Variants in ZDHHC2 observed in about 807,000 individuals in gnomAD.
ZDHHC2 encodes zDHHC palmitoyltransferase 2.
A neutral mutation model predicts 55.6 loss-of-function variants in ZDHHC2; 51 were observed. The ratio of observed to expected loss-of-function variants is 0.92; its 90% CI spans 0.73 to 1.16. The LOEUF is 1.16. ZDHHC2 is among the 50% of genes most tolerant of loss of function. The probability of loss-of-function intolerance (pLI) is 0.00; values close to 1 mark genes in which losing one functional copy is unlikely to be tolerated. For synonymous variants in ZDHHC2, 199 were observed against 152.9 expected (o/e 1.30, Z -2.22); for missense variants, 491 against 442.4 (o/e 1.11, Z -0.99).
intron 7 of ZDHHC2, among the ~76,000 whole-genome samples, chr8:17,206,867 C>A (rs937704804): frequency 6.6e-6 from 1 of 152,072 alleles, no homozygotes; most frequent in Admixed American, 6.6e-5. Flanking sequence ...GAGATTTGAA[C>A]CAAATTTAAT....
At chr8:17,156,876 C>T in intron 1 of ZDHHC2, 23 bp downstream of exon 1, 1 of 1,481,656 alleles carries the variant, frequency 6.7e-7, no homozygotes. Flanking sequence ...CCCGCCGCGG[C>T]GCCCCCAGCG....
At chr8:17,186,263 G>C in intron 2 of ZDHHC2, 68 bp from the exon 3 acceptor site, 1 of 1,036,910 alleles carries the variant, frequency 9.6e-7, no homozygotes, top group Non-Finnish European at 1.4e-6. Context: ...AAGCAGATCG[G>C]TTGTGACTGT....
chr8:17,204,038 C>T (rs1806965321), intron 6 of ZDHHC2, among the ~76,000 whole-genome samples: 1 of 151,652 alleles, frequency 6.6e-6, no homozygotes, highest in Non-Finnish European at 1.5e-5. Context: ...GATCTCTTGA[C>T]CTTGTGGTCT....
At chr8:17,185,460 C>T (rs1293481582) in intron 2 of ZDHHC2, among the ~76,000 whole-genome samples, 2 of 151,816 alleles carry the variant, frequency 1.3e-5, no homozygotes, top group African/African-American at 4.8e-5. Flanking sequence ...AGTTCAAGAC[C>T]AGCCTGGCCA....
intron 12 of ZDHHC2, among the ~76,000 whole-genome samples, chr8:17,217,775 TTTTC>T (rs1248749872): frequency 6.6e-6 from 1 of 152,128 alleles, no homozygotes; most frequent in African/African-American, 2.4e-5. Context: ...TTCCAAATCA[TTTTC>T]TTTAAGCCTT....
At chr8:17,166,022 G>A (rs1003050643) in intron 1 of ZDHHC2, among the ~76,000 whole-genome samples, 5 of 152,182 alleles carry the variant, frequency 3.3e-5, no homozygotes, top group African/African-American at 1.2e-4. Flanking sequence ...CAGAGATGTG[G>A]GGAGAAAGCA....
chr8:17,182,603 C>T (rs1805488493), intron 1 of ZDHHC2, among the ~76,000 whole-genome samples: 1 of 151,978 alleles, frequency 6.6e-6, no homozygotes, highest in Non-Finnish European at 1.5e-5. Context: ...AATAGAACAT[C>T]TGTGGATTTT....
chr8:17,171,303 T>C (rs767265821), intron 1 of ZDHHC2, among the ~76,000 whole-genome samples: 2 of 152,232 alleles, frequency 1.3e-5, no homozygotes, highest in African/African-American at 4.8e-5. Flanking sequence ...GAGCCTCTTC[T>C]ATTTTAATTT....
rs201130388 is a variant in ZDHHC2, at chr8:17,215,313, A to G, written c.1027A>G (p.Thr343Ala). 13 of 1,594,626 alleles carry G rather than the reference A, an allele frequency of 8.2e-6. No individual in the cohort carries two copies. The highest frequency in any genetic ancestry group is 1.3e-5 in the African/African-American group (1 of 74,612). ...SHLLTDSQSW[T>A]ESSINPGKCK... ...CCTTCTTACTGATTCTCAGTCTTGG[A>G]CGGAGAGCAGCATAAACCCAGGAAA... The change falls in exon 11 of 13, where the codon ACG (threonine) becomes GCG (alanine). Residue 343 changes from threonine to alanine, a missense_variant. Physicochemically the swap from Thr to Ala is moderately conservative, Grantham distance 58. Transcript: ENST00000262096.
chr8:17,177,191 T>C (rs1457488756), intron 1 of ZDHHC2, among the ~76,000 whole-genome samples: 1 of 152,186 alleles, frequency 6.6e-6, no homozygotes, highest in Non-Finnish European at 1.5e-5. Flanking sequence ...GTAATTTGAG[T>C]ACAGAAAATT....
chr8:17,185,651 C>A (rs1805671850), intron 2 of ZDHHC2, among the ~76,000 whole-genome samples: 1 of 151,964 alleles, frequency 6.6e-6, no homozygotes, highest in Admixed American at 6.6e-5. Flanking sequence ...CAGAGTGAGA[C>A]CCTGTCTCAA....
At chr8:17,161,421 T>C (rs1233358304) in intron 1 of ZDHHC2, among the ~76,000 whole-genome samples, 2 of 152,232 alleles carry the variant, frequency 1.3e-5, no homozygotes, top group Admixed American at 6.5e-5. Context: ...TTCTATTAAG[T>C]TGATGCAAAA....
chr8:17,207,595 G>A (rs1376593073), intron 7 of ZDHHC2, among the ~76,000 whole-genome samples: 1 of 151,976 alleles, frequency 6.6e-6, no homozygotes, highest in Non-Finnish European at 1.5e-5. Context: ...TTGTGATTCT[G>A]TAGTATGTTA....
At chr8:17,165,277 G>T (rs981107070) in intron 1 of ZDHHC2, among the ~76,000 whole-genome samples, 4 of 152,170 alleles carry the variant, frequency 2.6e-5, no homozygotes, top group Non-Finnish European at 5.9e-5. Context: ...CCTGTTTTAG[G>T]AATAAAGGCA....
chr8:17,177,913 A>G (rs1431619561), intron 1 of ZDHHC2, among the ~76,000 whole-genome samples: 2 of 152,196 alleles, frequency 1.3e-5, no homozygotes, highest in Non-Finnish European at 2.9e-5. Context: ...AAGGAGAGAG[A>G]TTGAATTTGA....
chr8:17,164,259 TTTTA>T (rs144390910), intron 1 of ZDHHC2, among the ~76,000 whole-genome samples: 1,682 of 152,338 alleles, frequency 0.011, 31 homozygotes, highest in African/African-American at 0.039. Flanking sequence ...TAAAATCCAT[TTTTA>T]TTTGAGAGAT....
chr8:17,156,582 C>T lies in ZDHHC2; in HGVS notation c.-142C>T, dbSNP rs1175425226. 9.6e-6 allele frequency: 5 copies of T among 523,022 alleles called. No homozygotes were observed. Among genetic ancestry groups the T allele is most frequent in the Non-Finnish European group, 1.2e-5 (5 of 403,844 alleles). The allele number at this position is 523,022 out of a possible 1,614,324, so 32.4% of individuals were successfully genotyped here. ...TCGGGGCTGCGGGATGGGGAGTTAG[C>T]GCCACGGCGGCGGCAGTGGCCGCAG... On this transcript the variant is annotated 5_prime_UTR_variant, in exon 1 of 13. Coordinates refer to ENST00000262096, the MANE Select transcript of ZDHHC2 (RefSeq NM_016353.5).
At position 17,209,807 on chromosome 8, in the gene ZDHHC2, G is replaced by T. The variant is rs1175860483; in HGVS notation, c.731-125G>T. The stretch of plus-strand genomic sequence containing the variant: ...TTCAGGGCTGTTGACAGGCACATAA[G>T]CCCTCACAGTCAGCTAGCCATTGAT... On this transcript the variant is annotated intron_variant, in intron 8 of 12. Transcript: ENST00000262096. 71 of 1,113,840 alleles carry T rather than the reference G, an allele frequency of 6.4e-5. 1 individual carries two copies. The highest frequency in any genetic ancestry group is 8.2e-5 in the Non-Finnish European group (67 of 812,546). 69.0% of individuals were successfully genotyped at this position (1,113,840 alleles called of 1,614,324 possible).
At chr8:17,165,687 A>G (rs1184030840) in intron 1 of ZDHHC2, among the ~76,000 whole-genome samples, 1 of 152,196 alleles carries the variant, frequency 6.6e-6, no homozygotes, top group Non-Finnish European at 1.5e-5. Context: ...TAAAAAACAT[A>G]AGTACATTAG....
Sources: allele counts gnomAD v4.1 joint callset (sites outside exome capture counted in the v4.1 genomes callset), GRCh38; gene constraint gnomAD v4.1.1; transcripts MANE v1.5; gene names NCBI Gene and HGNC (gene_info 2026-07-23, HGNC 2026-07-21).